The following PTGFRN variants were observed in gnomAD, a reference collection of about 807,000 sequenced individuals.
PTGFRN encodes prostaglandin F2 receptor negative regulator.
A neutral mutation model predicts 83.2 loss-of-function variants in PTGFRN; 35 were observed. The observed-to-expected ratio is 0.42, with a 90% confidence interval of 0.32 to 0.56. The LOEUF (loss-of-function observed/expected upper bound fraction) is 0.56, where lower values mean the gene tolerates loss of function less well. PTGFRN is among the 20% of genes least tolerant of loss of function. PTGFRN has a pLI of 0.11. For missense variants in PTGFRN, 1,051 were observed against 1,179.5 expected, an observed-to-expected ratio of 0.89 and a Z score of 1.60; for synonymous variants, 519 against 498.6, an observed-to-expected ratio of 1.04 and a Z score of -0.55.
At position 116,974,409 on chromosome 1, in the gene PTGFRN, G is replaced by A; in HGVS notation, c.2167+86G>A. 14 of 1,050,664 alleles carry A rather than the reference G, an allele frequency of 1.3e-5. No individual in the cohort carries two copies. The South Asian group carries it at 1.6e-4, about 12-fold the overall frequency. 65.1% of individuals were successfully genotyped at this position (1,050,664 alleles called of 1,614,324 possible). On this transcript the variant is annotated intron_variant, in intron 7 of 8. Coordinates refer to ENST00000393203, the MANE Select transcript of PTGFRN (RefSeq NM_020440.4). ...TCCGCACTGTGTTACACAGATGTGG[G>A]TTAGGGATAGGATTATCTATTTATC...
rs531184204 is a variant in PTGFRN at position 116,972,402 on chromosome 1, A to G, written c.2060-1814A>G. On this transcript the variant is annotated intron_variant, in intron 6 of 8. Coordinates refer to ENST00000393203, the MANE Select transcript of PTGFRN (RefSeq NM_020440.4). ...CACTAGGGTTCAATATTCTATAACC[A>G]TCCTTTACCTTTCTCCCAGGAAAAC... Among the ~76,000 whole-genome samples the G allele has an allele frequency of 1.0e-3, 158 of 152,308 alleles. 1 individual carries two copies. In the Middle Eastern group the frequency reaches 0.017, roughly 16 times the overall value.
At chr1:116,920,212 A>T (rs988662826) in intron 1 of PTGFRN, among the ~76,000 whole-genome samples, 1 of 152,242 alleles carries the variant, frequency 6.6e-6, no homozygotes, top group African/African-American at 2.4e-5. Flanking sequence ...TTTCCTGCAC[A>T]CTAAGGATCT....
intron 5 of PTGFRN, among the ~76,000 whole-genome samples, chr1:116,964,679 C>G (rs1650774859): frequency 6.6e-6 from 1 of 152,156 alleles, no homozygotes; most frequent in African/African-American, 2.4e-5. Flanking sequence ...TACATTGCCT[C>G]CTTGACACTA....
At chr1:116,975,269 G>T (rs1651113492) in intron 7 of PTGFRN, among the ~76,000 whole-genome samples, 1 of 152,238 alleles carries the variant, frequency 6.6e-6, no homozygotes, top group South Asian at 2.1e-4. Context: ...AAGGAGGCCT[G>T]CCTGCCTCTG....
At chr1:116,940,498 C>T (rs1650033867) in intron 1 of PTGFRN, among the ~76,000 whole-genome samples, 1 of 152,156 alleles carries the variant, frequency 6.6e-6, no homozygotes, top group African/African-American at 2.4e-5. Flanking sequence ...AACCCTGTTG[C>T]CAAATATGGT....
At chr1:116,983,498 C>CAAAAAAA (rs71096893) in intron 7 of PTGFRN, among the ~76,000 whole-genome samples, 1 of 104,034 alleles carries the variant, frequency 9.6e-6, no homozygotes, top group Non-Finnish European at 1.9e-5. Context: ...ACACTGGGAA[C>CAAAAAAA]AAAAAAAAAA....
chr1:116,931,153 C>T (rs994415342), intron 1 of PTGFRN, among the ~76,000 whole-genome samples: 5 of 152,170 alleles, frequency 3.3e-5, no homozygotes, highest in East Asian at 1.9e-4. Context: ...AGGTCATGCT[C>T]GGAGGAAATG....
intron 1 of PTGFRN, among the ~76,000 whole-genome samples, chr1:116,913,111 G>T (rs1236756254): frequency 6.6e-6 from 1 of 152,220 alleles, no homozygotes; most frequent in Non-Finnish European, 1.5e-5. Context: ...TCCCTGAGCG[G>T]CTGGTGGGTG....
rs764978838 is a variant in PTGFRN, at chr1:116,974,248, A to G, written c.2092A>G (p.Thr698Ala). 2.5e-6 allele frequency: 4 copies of G among 1,612,742 alleles called. No individual in the cohort carries two copies. The highest frequency in any genetic ancestry group is 4.5e-5 in the East Asian group (2 of 44,874). Reference protein sequence around the residue: ...PIFNASVHSDTPSVIRGDLIK... With the variant: ...PIFNASVHSDAPSVIRGDLIK... ...ATTTAATGCTTCTGTGCATTCAGAC[A>G]CACCATCAGTAATTCGGGGAGATCT... The change falls in exon 7 of 9, where the codon ACA (threonine) becomes GCA (alanine). Residue 698 changes from threonine to alanine, a missense_variant. Transcript: ENST00000393203.
intron 1 of PTGFRN, among the ~76,000 whole-genome samples, chr1:116,929,718 CT>C (rs1414942417): frequency 2.0e-5 from 3 of 152,208 alleles, no homozygotes; most frequent in Non-Finnish European, 2.9e-5. Context: ...GTCAGTGGGT[CT>C]ACTTCATCAC....
At chr1:116,915,901 T>C (rs1339975223) in intron 1 of PTGFRN, among the ~76,000 whole-genome samples, 2 of 152,254 alleles carry the variant, frequency 1.3e-5, no homozygotes, top group Non-Finnish European at 2.9e-5. Context: ...AAATTCTTCA[T>C]AATTTATCTT....
At position 116,910,176 on chromosome 1, in the gene PTGFRN, G is replaced by A. The variant is rs1057132482; in HGVS notation, c.-28G>A. 4.9e-5 allele frequency: 74 copies of A among 1,504,874 alleles called. No individual in the cohort carries two copies. Among genetic ancestry groups the A allele is most frequent in the Non-Finnish European group, 6.2e-5 (70 of 1,133,358 alleles). 93.2% of individuals were successfully genotyped at this position (1,504,874 alleles called of 1,614,324 possible). A position where few individuals can be genotyped will look rare whatever the true frequency, so the allele number is the denominator to read the frequency against. On this transcript the variant is annotated 5_prime_UTR_variant, in exon 1 of 9. Transcript: ENST00000393203. ...GAGAGGCGGCGGGGAAGGAGGAGGA[G>A]GGGGAGAGTCGCTCCCGCCGGGCGA... is the stretch of plus-strand genomic sequence containing the variant.
chr1:116,975,849 A>G (rs1162259244), intron 7 of PTGFRN, among the ~76,000 whole-genome samples: 2 of 152,262 alleles, frequency 1.3e-5, no homozygotes, highest in Non-Finnish European at 2.9e-5. Flanking sequence ...GCTCTTCTCC[A>G]GCAACGGAAC....
At position 116,987,236 on chromosome 1, in the gene PTGFRN, A is replaced by AC; in HGVS notation, c.*269_*270insC. 2.7e-6 allele frequency: 1 copy of AC among 371,930 alleles called. No homozygotes were observed. The highest frequency in any genetic ancestry group is 4.9e-6 in the Non-Finnish European group (1 of 202,556). The allele number at this position is 371,930 out of a possible 1,614,324, so 23.0% of individuals were successfully genotyped here. On this transcript the variant is annotated 3_prime_UTR_variant, in exon 9 of 9. Transcript: ENST00000393203. The stretch of plus-strand genomic sequence containing the variant: ...GCTTTTTAATGGTTAACCTTCATCT[A>AC]ATTTTTTTTCTCCCACTGGTTTATA...
chr1:116,953,853 C>CTTTT (rs531278323), intron 4 of PTGFRN, among the ~76,000 whole-genome samples: 3 of 135,044 alleles, frequency 2.2e-5, no homozygotes, highest in Non-Finnish European at 3.2e-5. Flanking sequence ...ATGAATATTT[C>CTTTT]TTTTTTTTTT....
At chr1:116,921,350 C>CA (rs1649532081) in intron 1 of PTGFRN, among the ~76,000 whole-genome samples, 1 of 152,234 alleles carries the variant, frequency 6.6e-6, no homozygotes, top group South Asian at 2.1e-4. Context: ...AAAAAACACA[C>CA]ACATTTTTGG....
chr1:116,974,051 G>T (rs1651073937), intron 6 of PTGFRN, among the ~76,000 whole-genome samples, 165 bp from the exon 7 acceptor site: 1 of 152,196 alleles, frequency 6.6e-6, no homozygotes, highest in South Asian at 2.1e-4. Context: ...TAATGCCCAT[G>T]TCTCTCTGAA....
chr1:116,963,748 C>T (rs1449763787), intron 5 of PTGFRN, among the ~76,000 whole-genome samples: 1 of 151,346 alleles, frequency 6.6e-6, no homozygotes, highest in Non-Finnish European at 1.5e-5. Context: ...GTTGGGACTG[C>T]GGGTGCTCAC....
In PTGFRN at chr1:116,941,602, G is replaced by A. The variant is rs996177426; in HGVS notation, c.50-113G>A. On this transcript the variant is annotated intron_variant, in intron 1 of 8. Coordinates refer to ENST00000393203, the MANE Select transcript of PTGFRN (RefSeq NM_020440.4). This position sits in a 1 kb window ranked among gnomAD's most constrained non-coding sequence, Gnocchi z 5.0. ...ATAGATACATTTTCCCTAGTAGTTTGGCTGTCACGTTTCTGCCATGCCTGT... is the reference window on the plus strand; with the variant it reads ...ATAGATACATTTTCCCTAGTAGTTTAGCTGTCACGTTTCTGCCATGCCTGT... 7.3e-7 allele frequency: 1 copy of A among 1,375,860 alleles called. No homozygotes were observed. Among genetic ancestry groups the A allele is most frequent in the African/African-American group, 1.5e-5 (1 of 68,878 alleles). 85.2% of individuals were successfully genotyped at this position (1,375,860 alleles called of 1,614,324 possible). A position where few individuals can be genotyped will look rare whatever the true frequency, so the allele number is the denominator to read the frequency against.
Sources: gnomAD v4.1 joint callset for allele counts (sites outside exome capture counted in the v4.1 genomes callset) on GRCh38, gnomAD v4.1.1 for gene constraint, Gnocchi (gnomAD v3.1) non-coding constraint, MANE v1.5 for transcripts, NCBI Gene and HGNC (gene_info 2026-07-23, HGNC 2026-07-21) for gene names.